Variants in TENM3 observed in about 807,000 individuals in gnomAD.
The protein encoded by TENM3 is teneurin-3.
A neutral mutation model predicts 255.1 loss-of-function variants in TENM3; 63 were observed. The ratio of observed to expected loss-of-function variants is 0.25; its 90% confidence interval spans 0.20 to 0.30. The LOEUF (loss-of-function observed/expected upper bound fraction) is 0.30, where lower values mean the gene tolerates loss of function less well. Ranked by LOEUF, TENM3 falls within the 10% of genes least tolerant of loss-of-function variation. The probability of loss-of-function intolerance (pLI) is 1.00; values close to 1 mark genes in which losing one functional copy is unlikely to be tolerated. For synonymous variants in TENM3, 1,306 were observed against 1,322.3 expected (o/e 0.99, Z 0.27); for missense variants, 2,929 against 3,461.1 (o/e 0.85, Z 3.86).
chr4:182,073,603 C>G, the TENM3 span, among the ~76,000 whole-genome samples: 1 of 152,142 alleles, frequency 6.6e-6, no homozygotes. Flanking sequence ...CCTCATGTAG[C>G]AAGAGAGGAA....
chr4:181,470,127 A>AAAAAAAAAAAAAAAAAAAAAAG, the TENM3 span, among the ~76,000 whole-genome samples: 5 of 138,956 alleles, frequency 3.6e-5, no homozygotes, highest in African/African-American at 1.4e-4. Context: ...AAAAAAAAAC[A>AAAAAAAAAAAAAAAAAAAAAAG]TTATTCAAAA....
intron 1 of TENM3, among the ~76,000 whole-genome samples, chr4:182,163,882 G>A (rs181299443): frequency 2.9e-4 from 44 of 152,274 alleles, no homozygotes; most frequent in African/African-American, 1.1e-3. Flanking sequence ...TCAGAAACAA[G>A]CCCTTAGACC....
chr4:182,791,417 C>A (rs1172328214), intron 25 of TENM3, among the ~76,000 whole-genome samples: 1 of 152,182 alleles, frequency 6.6e-6, no homozygotes, highest in Non-Finnish European at 1.5e-5. Context: ...CCTGGGATGA[C>A]CTTCTCTCAC....
At chr4:182,035,957 C>T in the TENM3 span, among the ~76,000 whole-genome samples, 3 of 152,178 alleles carry the variant, frequency 2.0e-5, no homozygotes, top group African/African-American at 7.2e-5. Flanking sequence ...CTCACCTCCT[C>T]AAACTCACCA....
chr4:182,651,119 A>C (rs1439736409), intron 5 of TENM3, among the ~76,000 whole-genome samples: 2 of 151,992 alleles, frequency 1.3e-5, no homozygotes, highest in Non-Finnish European at 2.9e-5. Context: ...AATGATGACA[A>C]ATTATTTTGT....
intron 3 of TENM3, among the ~76,000 whole-genome samples, chr4:182,525,403 G>C (rs1739051507): frequency 6.6e-6 from 1 of 152,230 alleles, no homozygotes; most frequent in African/African-American, 2.4e-5. Context: ...GAGACTTGGA[G>C]AGGTTAGTTA....
intron 7 of TENM3, among the ~76,000 whole-genome samples, chr4:182,677,496 G>A (rs542559160): frequency 2.0e-5 from 3 of 152,282 alleles, no homozygotes; most frequent in Admixed American, 2.0e-4. Flanking sequence ...CCATGCAAAT[G>A]TGTAAATATT....
At chr4:181,449,409 G>A in the TENM3 span, among the ~76,000 whole-genome samples, 173 of 152,268 alleles carry the variant, frequency 1.1e-3, 2 homozygotes, top group African/African-American at 4.1e-3. Context: ...ATTTCAAAAA[G>A]GAAGGGGGAG....
At chr4:182,338,701 C>A (rs530883058) in intron 2 of TENM3, among the ~76,000 whole-genome samples, 1 of 152,108 alleles carries the variant, frequency 6.6e-6, no homozygotes, top group South Asian at 2.1e-4. Flanking sequence ...ATAATAATGT[C>A]TCTGCACCAT....
the TENM3 span, among the ~76,000 whole-genome samples, chr4:181,780,896 T>G: frequency 6.6e-5 from 10 of 152,198 alleles, no homozygotes; most frequent in Non-Finnish European, 1.2e-4. Context: ...CCCCATTGCT[T>G]GTTTTTCTCA....
chr4:181,659,413 T>C, the TENM3 span, among the ~76,000 whole-genome samples: 1 of 152,138 alleles, frequency 6.6e-6, no homozygotes, highest in African/African-American at 2.4e-5. Flanking sequence ...CCAAGAACAC[T>C]CTCTTGGGGT....
At chr4:181,744,152 T>C in the TENM3 span, among the ~76,000 whole-genome samples, 1 of 152,156 alleles carries the variant, frequency 6.6e-6, no homozygotes, top group African/African-American at 2.4e-5. Flanking sequence ...AAGGACATGA[T>C]CTTGTTCCTT....
intron 3 of TENM3, among the ~76,000 whole-genome samples, chr4:182,363,137 A>G (rs1766148022): frequency 6.6e-6 from 1 of 152,168 alleles, no homozygotes; most frequent in Non-Finnish European, 1.5e-5. Context: ...TAAAACTGTG[A>G]AACTGGAATT....
chr4:182,575,097 C>T (rs879930754), intron 3 of TENM3, among the ~76,000 whole-genome samples: 15 of 152,036 alleles, frequency 9.9e-5, no homozygotes, highest in African/African-American at 3.6e-4. Flanking sequence ...GTGGTAAAAT[C>T]GTACAGAAGA....
chr4:182,507,034 T>G (rs1365777305), intron 3 of TENM3, among the ~76,000 whole-genome samples: 1 of 152,046 alleles, frequency 6.6e-6, no homozygotes, highest in Non-Finnish European at 1.5e-5. Flanking sequence ...GGTTGCATAC[T>G]GCAAAAAAGT....
At chr4:181,635,938 T>C in the TENM3 span, among the ~76,000 whole-genome samples, 97 of 152,334 alleles carry the variant, frequency 6.4e-4, 3 homozygotes, top group South Asian at 0.019. Context: ...GTGGGCTCCC[T>C]CTTCCCTGCT....
At chr4:182,311,118 G>A (rs1464370494) in intron 1 of TENM3, among the ~76,000 whole-genome samples, 1 of 152,210 alleles carries the variant, frequency 6.6e-6, no homozygotes, top group Non-Finnish European at 1.5e-5. Flanking sequence ...TTGTGAGCAC[G>A]TCTCCCTCTG....
intron 2 of TENM3, among the ~76,000 whole-genome samples, chr4:182,335,241 G>A (rs1764031366): frequency 6.7e-6 from 1 of 149,736 alleles, no homozygotes; most frequent in Non-Finnish European, 1.5e-5. Flanking sequence ...GCTCACGCCT[G>A]TAATCCCAGC....
At chr4:181,683,348 A>G in the TENM3 span, among the ~76,000 whole-genome samples, 1 of 151,688 alleles carries the variant, frequency 6.6e-6, no homozygotes, top group Non-Finnish European at 1.5e-5. Context: ...TGACCCTAAA[A>G]CTTACACTTC....
Sources: gnomAD v4.1 joint callset for allele counts (sites outside exome capture counted in the v4.1 genomes callset) on GRCh38, gnomAD v4.1.1 for gene constraint, MANE v1.5 for transcripts, NCBI Gene and HGNC (gene_info 2026-07-23, HGNC 2026-07-21) for gene names.